SYT1: variants seen among roughly 807,000 people sequenced by gnomAD.
The protein encoded by SYT1 is synaptotagmin 1.
A neutral mutation model predicts 44.8 loss-of-function variants in SYT1; 8 were observed. That is an observed-to-expected ratio of 0.18 (90% CI 0.10 to 0.32). The LOEUF (loss-of-function observed/expected upper bound fraction) is 0.32, where lower values mean the gene tolerates loss of function less well. Ranked by LOEUF, SYT1 falls within the 10% of genes least tolerant of loss-of-function variation. The pLI is 1.00. For synonymous variants in SYT1, 154 were observed against 188.8 expected, an observed-to-expected ratio of 0.82 and a Z score of 1.51; for missense variants, 286 against 509.3, an observed-to-expected ratio of 0.56 and a Z score of 4.22.
intron 9 of SYT1, among the ~76,000 whole-genome samples, chr12:79,434,793 T>C (rs898698374): frequency 2.6e-5 from 4 of 152,182 alleles, no homozygotes; most frequent in African/African-American, 9.6e-5. Flanking sequence ...GACTCTAGGT[T>C]GAGAAACTAT....
chr12:79,424,273 C>T (rs4500545), intron 9 of SYT1, among the ~76,000 whole-genome samples: 1 of 152,000 alleles, frequency 6.6e-6, no homozygotes, highest in Admixed American at 6.6e-5. Context: ...AGAAGAATTT[C>T]TGCATCACCA....
At chr12:79,382,446 C>T (rs1234438320) in intron 9 of SYT1, among the ~76,000 whole-genome samples, 4 of 151,972 alleles carry the variant, frequency 2.6e-5, no homozygotes, top group Non-Finnish European at 4.4e-5. Flanking sequence ...TCCCTTCTCC[C>T]GTAACCTAAT....
intron 2 of SYT1, among the ~76,000 whole-genome samples, chr12:78,999,016 G>A (rs1268362671): frequency 1.3e-5 from 2 of 152,146 alleles, no homozygotes; most frequent in Non-Finnish European, 2.9e-5. Context: ...TTTGTAGATA[G>A]TAATATTGAT....
rs925398776 is a variant in SYT1, at chr12:79,450,834, C to T, written c.*1710C>T. On this transcript the variant is annotated 3_prime_UTR_variant, in exon 11 of 11. Transcript: ENST00000261205. ...GTGCAATATTCCATATTTTTCCCCA[C>T]TATGGTAGACAACCATTTCGTGGAA... 1 of 152,650 alleles carries T rather than the reference C, an allele frequency of 6.6e-6. No individual in the cohort carries two copies. Among genetic ancestry groups the T allele is most frequent in the Non-Finnish European group, 1.5e-5 (1 of 68,048 alleles). The allele number at this position is 152,650 out of a possible 1,614,324, so 9.5% of individuals were successfully genotyped here.
chr12:79,400,690 C>T (rs192456910), intron 9 of SYT1, among the ~76,000 whole-genome samples: 24 of 152,308 alleles, frequency 1.6e-4, no homozygotes, highest in Middle Eastern at 3.4e-3. Context: ...AATGAGACCA[C>T]GCCATGTCTG....
chr12:79,094,824 A>C (rs1348886081), intron 3 of SYT1, among the ~76,000 whole-genome samples: 1 of 151,924 alleles, frequency 6.6e-6, no homozygotes, highest in Non-Finnish European at 1.5e-5. Context: ...TCAACAGCAA[A>C]AATAATTCTC....
chr12:79,265,454 A>G (rs113253468), intron 4 of SYT1, among the ~76,000 whole-genome samples: 7 of 152,266 alleles, frequency 4.6e-5, no homozygotes, highest in African/African-American at 1.7e-4. Context: ...AAATTATTTC[A>G]TTTAAATTAA....
chr12:79,350,321 C>T (rs1014786150), intron 8 of SYT1, among the ~76,000 whole-genome samples: 50 of 145,692 alleles, frequency 3.4e-4, no homozygotes, highest in Non-Finnish European at 4.6e-4. Context: ...GGCGCGATCT[C>T]GGCTCACTGC....
chr12:79,081,189 T>C (rs1428678580), intron 3 of SYT1, among the ~76,000 whole-genome samples: 1 of 152,214 alleles, frequency 6.6e-6, no homozygotes, highest in Middle Eastern at 3.2e-3. Context: ...TGTGTACGTG[T>C]GTGTGCACCT....
At chr12:79,164,145 G>A (rs537098102) in intron 3 of SYT1, among the ~76,000 whole-genome samples, 4 of 152,048 alleles carry the variant, frequency 2.6e-5, no homozygotes, top group South Asian at 2.1e-4. Context: ...TGGTATTATC[G>A]TAGGGACAAC....
chr12:78,876,138 A>G (rs1466631830), intron 1 of SYT1, among the ~76,000 whole-genome samples: 1 of 151,712 alleles, frequency 6.6e-6, no homozygotes, highest in African/African-American at 2.4e-5. Context: ...CACAGAAAAC[A>G]TAATGAAACA....
intron 3 of SYT1, among the ~76,000 whole-genome samples, chr12:79,110,152 C>T (rs559695934): frequency 2.4e-4 from 36 of 152,208 alleles, no homozygotes; most frequent in African/African-American, 8.4e-4. Context: ...GTAAACCTTA[C>T]TTTAATTTAT....
chr12:79,305,770 A>C (rs1388365907), intron 8 of SYT1, among the ~76,000 whole-genome samples: 3 of 152,132 alleles, frequency 2.0e-5, no homozygotes, highest in African/African-American at 7.2e-5. Context: ...ATCTCAGCTC[A>C]CTGCAACCCC....
chr12:79,395,321 C>T (rs566256134), intron 9 of SYT1, among the ~76,000 whole-genome samples: 45 of 152,230 alleles, frequency 3.0e-4, no homozygotes, highest in Non-Finnish European at 5.7e-4. Context: ...CAGATTCAAT[C>T]AAGTCTTCTG....
chr12:79,247,780 CA>C (rs71309576), intron 4 of SYT1, among the ~76,000 whole-genome samples: 8 of 143,390 alleles, frequency 5.6e-5, no homozygotes, highest in Admixed American at 6.9e-5. Flanking sequence ...TAAAAGAAAA[CA>C]AAAAAAAAAT....
At chr12:79,254,774 T>A (rs1410040392) in intron 4 of SYT1, among the ~76,000 whole-genome samples, 1 of 152,168 alleles carries the variant, frequency 6.6e-6, no homozygotes, top group Non-Finnish European at 1.5e-5. Context: ...TATGGATGAC[T>A]TTGAGAGGTT....
intron 1 of SYT1, among the ~76,000 whole-genome samples, chr12:78,898,218 A>C (rs1875468713): frequency 6.6e-6 from 1 of 152,126 alleles, no homozygotes; most frequent in South Asian, 2.1e-4. Flanking sequence ...ACTGCCTCAT[A>C]GACTTATTTT....
At chr12:79,011,084 G>C (rs1871378841) in intron 2 of SYT1, among the ~76,000 whole-genome samples, 1 of 152,098 alleles carries the variant, frequency 6.6e-6, no homozygotes, top group Non-Finnish European at 1.5e-5. Flanking sequence ...AGAAATAATG[G>C]CTAAAAGGTT....
intron 8 of SYT1, among the ~76,000 whole-genome samples, chr12:79,311,910 C>T (rs1398373378): frequency 6.9e-6 from 1 of 145,502 alleles, no homozygotes; most frequent in African/African-American, 2.5e-5. Context: ...GGAGATATAC[C>T]TAATGCTAAA....
Sources: gnomAD v4.1 joint callset for allele counts (sites outside exome capture counted in the v4.1 genomes callset) on GRCh38, gnomAD v4.1.1 for gene constraint, MANE v1.5 for transcripts, NCBI Gene and HGNC (gene_info 2026-07-23, HGNC 2026-07-21) for gene names.